OCLN: variants seen among roughly 807,000 people sequenced by gnomAD.
The protein encoded by OCLN is occludin.
A neutral mutation model predicts 47.9 loss-of-function variants in OCLN; 21 were observed. The observed-to-expected ratio is 0.44, with a 90% CI of 0.31 to 0.63. The LOEUF is 0.63. Among genes scored for constraint, OCLN ranks in the 30% least tolerant of loss-of-function variants. OCLN has a pLI of 0.08. For synonymous variants in OCLN, 117 were observed against 198.4 expected, an observed-to-expected ratio of 0.59 and a Z score of 3.45; for missense variants, 360 against 571.0, an observed-to-expected ratio of 0.63 and a Z score of 3.77.
rs538645548 is a variant in OCLN at position 69,557,347 on chromosome 5, T to G, written c.*3676T>G. 2.4e-5 allele frequency: 2 copies of G among 84,996 alleles called. 1 individual carries two copies. Among genetic ancestry groups the G allele is most frequent in the Admixed American group, 2.4e-4 (2 of 8,292 alleles). 5.3% of individuals were successfully genotyped at this position (84,996 alleles called of 1,614,324 possible). A position where few individuals can be genotyped will look rare whatever the true frequency, so the allele number is the denominator to read the frequency against. On this transcript the variant is annotated 3_prime_UTR_variant, in exon 9 of 9. Transcript: ENST00000396442. ...GTTTTTTGTATTTGTAAAATATATT[T>G]GTAATAATCTCATAGTTAAGAAGGT...
chr5:69,501,671 G>C (rs938250203), intron 1 of OCLN, among the ~76,000 whole-genome samples: 1 of 151,854 alleles, frequency 6.6e-6, no homozygotes, highest in Non-Finnish European at 1.5e-5. Flanking sequence ...TTGAGTGCTA[G>C]TTACAGGGCT....
rs762992411 is a variant in OCLN, at chr5:69,514,021, G to A, written c.803G>A (p.Arg268Gln). ...ALIIFFAVKT[R>Q]RKMDRYDKSN... ...ATAATTTTCTTTGCTGTGAAAACTC[G>A]AAGAAAGATGGACAGGTATGACAAG... The change falls in exon 4 of 9, where the codon CGA becomes CAA. Residue 268 changes from arginine (R) to glutamine (Q), a missense_variant. Physicochemically the swap from Arg to Gln is conservative, Grantham distance 43. Transcript: ENST00000396442. 3.7e-5 allele frequency: 60 copies of A among 1,613,464 alleles called. No individual in the cohort carries two copies. The highest frequency in any genetic ancestry group is 5.5e-5 in the South Asian group (5 of 91,084).
At chr5:69,505,365 G>T (rs993004850) in intron 2 of OCLN, among the ~76,000 whole-genome samples, 1 of 152,184 alleles carries the variant, frequency 6.6e-6, no homozygotes, top group African/African-American at 2.4e-5. Context: ...TCACAGAGTT[G>T]TAGAACCATC....
At position 69,522,894 on chromosome 5, in the gene OCLN, C is replaced by CTTTTTTTTTTTTTTTTTTTTT. The variant is rs60505522; in HGVS notation, c.891+8797_891+8798insTTTTTTTTTTTTTTTTTTTTT. Among the ~76,000 whole-genome samples the CTTTTTTTTTTTTTTTTTTTTT allele has an allele frequency of 1.7e-5, 2 of 116,890 alleles. 1 individual carries two copies. 76.7% of individuals were successfully genotyped at this position (116,890 alleles called of 152,430 possible). A position where few individuals can be genotyped will look rare whatever the true frequency, so the allele number is the denominator to read the frequency against. ...GACATGTGCCGCTATGCCTGGCTGA[C>CTTTTTTTTTTTTTTTTTTTTT]TTTTTTTTTTTTAAAGTAGAGACAG... is the stretch of plus-strand genomic sequence containing the variant. On this transcript the variant is annotated intron_variant, in intron 4 of 8. Transcript: ENST00000396442.
Position 69,509,128 on chromosome 5 carries a change from A to G in OCLN, c.51-13A>G, listed in dbSNP as rs1414612807. On this transcript the variant is annotated splice_polypyrimidine_tract_variant and intron_variant, in intron 2 of 8. Transcript: ENST00000396442. ...AAAATGCTAACTTGAAATTATTTTC[A>G]TGTTCATTTCAGCAAACCGAATCAT... 8.1e-6 allele frequency: 13 copies of G among 1,611,432 alleles called. No individual in the cohort carries two copies. The highest frequency in any genetic ancestry group is 1.1e-5 in the Non-Finnish European group (13 of 1,177,584).
At chr5:69,498,597 A>T (rs1580541979) in intron 1 of OCLN, among the ~76,000 whole-genome samples, 1 of 152,096 alleles carries the variant, frequency 6.6e-6, no homozygotes, top group South Asian at 2.1e-4. Context: ...GACCCCCATG[A>T]TACTAAAATC....
At chr5:69,550,451 CA>C (rs1234175266) in intron 7 of OCLN, among the ~76,000 whole-genome samples, 1 of 151,590 alleles carries the variant, frequency 6.6e-6, no homozygotes, top group African/African-American at 2.4e-5. Context: ...CTTGGCCTCC[CA>C]AAGTGCTGGA....
intron 1 of OCLN, among the ~76,000 whole-genome samples, chr5:69,496,896 G>A (rs1234171918): frequency 6.6e-6 from 1 of 152,128 alleles, no homozygotes; most frequent in African/African-American, 2.4e-5. Context: ...TCTGACTTCT[G>A]TCCTTGTCAC....
chr5:69,497,768 T>G (rs1386429193), intron 1 of OCLN, among the ~76,000 whole-genome samples: 1 of 152,218 alleles, frequency 6.6e-6, no homozygotes, highest in Non-Finnish European at 1.5e-5. Context: ...TTTTGTTTGT[T>G]CTTTTTAATA....
intron 1 of OCLN, 136 bp from the exon 2 acceptor site, chr5:69,504,041 A>G (rs1177098897): frequency 3.3e-6 from 2 of 611,596 alleles, no homozygotes; most frequent in East Asian, 2.9e-5. Flanking sequence ...TCAAGGCTGC[A>G]GTGAGCTGTG....
At chr5:69,525,956 AT>A (rs1455662639) in intron 4 of OCLN, among the ~76,000 whole-genome samples, 4 of 152,138 alleles carry the variant, frequency 2.6e-5, no homozygotes, top group African/African-American at 9.7e-5. Flanking sequence ...TTTCTAGGTT[AT>A]TTTATGACAC....
At chr5:69,524,962 C>T (rs1192384343) in intron 4 of OCLN, among the ~76,000 whole-genome samples, 1 of 152,128 alleles carries the variant, frequency 6.6e-6, no homozygotes, top group Admixed American at 6.5e-5. Context: ...TCTGGGATTA[C>T]AGGTGTGAGT....
At chr5:69,498,089 G>A (rs1561328512) in intron 1 of OCLN, among the ~76,000 whole-genome samples, 3 of 151,802 alleles carry the variant, frequency 2.0e-5, no homozygotes, top group Non-Finnish European at 4.4e-5. Flanking sequence ...CCGAGATCCC[G>A]CCACTGCACT....
chr5:69,499,644 G>A (rs1214594338), intron 1 of OCLN, among the ~76,000 whole-genome samples: 1 of 151,930 alleles, frequency 6.6e-6, no homozygotes, highest in African/African-American at 2.4e-5. Context: ...GAGTGCAGTG[G>A]CGTGACCTCA....
intron 4 of OCLN, among the ~76,000 whole-genome samples, chr5:69,515,246 A>C (rs62371752): frequency 5.5e-4 from 49 of 88,900 alleles, no homozygotes; most frequent in Middle Eastern, 0.011. Context: ...AGGCGCCCCT[A>C]ACCTCCCGGA....
intron 2 of OCLN, among the ~76,000 whole-genome samples, chr5:69,507,786 A>G (rs1768649523): frequency 6.6e-6 from 1 of 151,952 alleles, no homozygotes; most frequent in South Asian, 2.1e-4. Flanking sequence ...TTGTATTTTC[A>G]GTAGAGATGG....
At chr5:69,547,036 C>T (rs1362525236) in intron 6 of OCLN, among the ~76,000 whole-genome samples, 1 of 148,326 alleles carries the variant, frequency 6.7e-6, no homozygotes, top group African/African-American at 2.4e-5. Flanking sequence ...CTTCTTTATA[C>T]TTTAATGAAT....
intron 2 of OCLN, among the ~76,000 whole-genome samples, 182 bp from the exon 3 acceptor site, chr5:69,508,959 C>G (rs1768685703): frequency 6.6e-6 from 1 of 152,176 alleles, no homozygotes; most frequent in Non-Finnish European, 1.5e-5. Flanking sequence ...AATGTCTGAG[C>G]AGAATGGGTT....
intron 4 of OCLN, among the ~76,000 whole-genome samples, chr5:69,525,501 G>C (rs1769255599): frequency 6.6e-6 from 1 of 152,036 alleles, no homozygotes; most frequent in East Asian, 1.9e-4. Context: ...ATATTTTCCA[G>C]TCAAACGTGT....
Sources: gnomAD v4.1 joint callset for allele counts (sites outside exome capture counted in the v4.1 genomes callset) on GRCh38, gnomAD v4.1.1 for gene constraint, MANE v1.5 for transcripts, NCBI Gene and HGNC (gene_info 2026-07-23, HGNC 2026-07-21) for gene names.